The following DRC5 variants were observed in gnomAD, a reference collection of about 807,000 sequenced individuals.
The protein encoded by DRC5 is dynein regulatory complex subunit 5.
At chr6:44,282,799 C>CTTTTTTTT in the DRC5 span, among the ~76,000 whole-genome samples, 1 of 105,236 alleles carries the variant, frequency 9.5e-6, no homozygotes, top group Non-Finnish European at 1.8e-5. Flanking sequence ...CCTTTTTTAT[C>CTTTTTTTT]TTTTTTTTTT....
chr6:44,282,075 C>T, the DRC5 span: 3 of 1,588,158 alleles, frequency 1.9e-6, no homozygotes, highest in South Asian at 3.4e-5. Flanking sequence ...TTGGATTCCA[C>T]ACCCACCCTC....
At chr6:44,290,692 G>A in the DRC5 span, among the ~76,000 whole-genome samples, 4 of 152,304 alleles carry the variant, frequency 2.6e-5, no homozygotes, top group South Asian at 8.3e-4. Context: ...TATGTCCCTG[G>A]ACACCCATGG....
At chr6:44,283,399 T>C in the DRC5 span, among the ~76,000 whole-genome samples, 4 of 152,060 alleles carry the variant, frequency 2.6e-5, no homozygotes, top group African/African-American at 9.7e-5. Context: ...AAGGATGAGA[T>C]AAAGGAATGA....
At chr6:44,287,049 T>G in the DRC5 span, 1 of 283,980 alleles carries the variant, frequency 3.5e-6, no homozygotes, top group Non-Finnish European at 5.3e-6. Context: ...TGAGTGAGAC[T>G]GGGTGATGAT....
chr6:44,282,530 A>C, the DRC5 span: 3 of 1,597,780 alleles, frequency 1.9e-6, no homozygotes, highest in Non-Finnish European at 2.5e-6. Context: ...CCTTGTCATC[A>C]TCCACCTTGC....
At chr6:44,285,021 C>T in the DRC5 span, among the ~76,000 whole-genome samples, 1 of 152,248 alleles carries the variant, frequency 6.6e-6, no homozygotes, top group East Asian at 1.9e-4. Context: ...CCCAGCAAGG[C>T]TGACCACCTC....
At chr6:44,282,401 G>A in the DRC5 span, 1 of 1,614,134 alleles carries the variant, frequency 6.2e-7, no homozygotes, top group Non-Finnish European at 8.5e-7. Context: ...GCACACGCAG[G>A]CGGCTGTGGC....
chr6:44,279,989 C>A, the DRC5 span: 1 of 570,702 alleles, frequency 1.8e-6, no homozygotes, highest in Non-Finnish European at 3.1e-6. Context: ...GTCCCTACTG[C>A]ATACCCTTTC....
chr6:44,286,221 G>A, the DRC5 span: 20 of 1,611,798 alleles, frequency 1.2e-5, no homozygotes, highest in Non-Finnish European at 1.7e-5. Context: ...ACCGGCGGAA[G>A]GAACTGATCG....
the DRC5 span, among the ~76,000 whole-genome samples, chr6:44,294,248 C>G: frequency 1.3e-5 from 2 of 152,082 alleles, no homozygotes; most frequent in African/African-American, 4.8e-5. Context: ...TCCCAAAGCG[C>G]TGAGATTACA....
the DRC5 span, chr6:44,286,619 A>C: frequency 7.3e-6 from 9 of 1,237,292 alleles, no homozygotes; most frequent in Non-Finnish European, 9.1e-6. Context: ...GCCTGGGAGC[A>C]CCAGGCAAAG....
the DRC5 span, among the ~76,000 whole-genome samples, chr6:44,280,589 A>G: frequency 6.6e-6 from 1 of 152,180 alleles, no homozygotes; most frequent in East Asian, 1.9e-4. Context: ...TGACATCTCA[A>G]CCCTACTAGT....
At chr6:44,288,720 G>A in the DRC5 span, among the ~76,000 whole-genome samples, 2 of 152,236 alleles carry the variant, frequency 1.3e-5, no homozygotes, top group South Asian at 2.1e-4. Context: ...AAGGCTGGGC[G>A]TGGTGGCTCA....
the DRC5 span, among the ~76,000 whole-genome samples, chr6:44,296,139 G>GGTTT: frequency 3.5e-4 from 54 of 152,320 alleles, no homozygotes. Context: ...GAGAAGCTGA[G>GGTTT]GTTTTAGTTT....
the DRC5 span, chr6:44,287,148 T>C: frequency 1.0e-6 from 1 of 972,624 alleles, no homozygotes; most frequent in Non-Finnish European, 1.2e-6. Context: ...AAAGGATCAA[T>C]ATTACAGAGC....
At chr6:44,294,834 G>T in the DRC5 span, among the ~76,000 whole-genome samples, 1 of 149,310 alleles carries the variant, frequency 6.7e-6, no homozygotes, top group Non-Finnish European at 1.5e-5. Context: ...AATAACCACA[G>T]AAAGGAGAGG....
chr6:44,282,495 A>C, the DRC5 span: 22 of 1,608,630 alleles, frequency 1.4e-5, no homozygotes, highest in Non-Finnish European at 1.8e-5. Context: ...TGGGTGGTCC[A>C]GAAGGCTTCG....
At chr6:44,280,729 A>G in the DRC5 span, among the ~76,000 whole-genome samples, 4 of 152,222 alleles carry the variant, frequency 2.6e-5, no homozygotes, top group Admixed American at 1.3e-4. Context: ...GCTTCTCCTC[A>G]TTCCAAAAAG....
chr6:44,283,986 T>C, the DRC5 span, among the ~76,000 whole-genome samples: 2 of 152,188 alleles, frequency 1.3e-5, no homozygotes, highest in African/African-American at 4.8e-5. Flanking sequence ...ATTCATCCCC[T>C]TTCTTGCAAC....
Sources: allele counts gnomAD v4.1 joint callset (sites outside exome capture counted in the v4.1 genomes callset), GRCh38; gene constraint gnomAD v4.1.1; transcripts MANE v1.5; gene names NCBI Gene and HGNC (gene_info 2026-07-23, HGNC 2026-07-21).